FUBP3: variants seen among roughly 807,000 people sequenced by gnomAD.
The protein encoded by FUBP3 is far upstream element-binding protein 3.
In FUBP3, 28 loss-of-function variants were observed where a neutral mutation model predicts 85.6. That is an observed-to-expected ratio of 0.33 (90% confidence interval 0.24 to 0.45). The LOEUF (loss-of-function observed/expected upper bound fraction) is 0.45. Among genes scored for constraint, FUBP3 ranks in the 20% least tolerant of loss-of-function variants. FUBP3 has a pLI of 1.00. For missense variants in FUBP3, 583 were observed against 755.1 expected (o/e 0.77, Z 2.67); for synonymous variants, 271 against 271.4 (o/e 1.00, Z 0.01).
At chr9:130,609,833 C>A (rs776800374) in intron 2 of FUBP3, 121 bp from the exon 3 acceptor site, 6 of 756,412 alleles carry the variant, frequency 7.9e-6, no homozygotes, top group Non-Finnish European at 1.4e-5. Flanking sequence ...GCCTAAATTA[C>A]TGTTTGCTTT....
At chr9:130,584,334 C>T (rs1830253410) in intron 1 of FUBP3, among the ~76,000 whole-genome samples, 1 of 151,780 alleles carries the variant, frequency 6.6e-6, no homozygotes, top group African/African-American at 2.4e-5. Context: ...TCGAGACCAG[C>T]CTGGTCAACG....
chr9:130,613,112 T>C (rs1831833593), intron 5 of FUBP3, 85 bp downstream of exon 5: 1 of 830,808 alleles, frequency 1.2e-6, no homozygotes, highest in Admixed American at 1.9e-5. Context: ...TGCTTGTTGC[T>C]TGGGTAAGTA....
chr9:130,583,750 G>T (rs1342020934), intron 1 of FUBP3, among the ~76,000 whole-genome samples: 1 of 152,170 alleles, frequency 6.6e-6, no homozygotes, highest in African/African-American at 2.4e-5. Flanking sequence ...GTCACTGAGT[G>T]TGTGTGCGCC....
At chr9:130,597,543 A>T (rs574103978) in intron 2 of FUBP3, among the ~76,000 whole-genome samples, 1 of 152,328 alleles carries the variant, frequency 6.6e-6, no homozygotes, top group South Asian at 2.1e-4. Flanking sequence ...TGAGCCTAGA[A>T]GGTGGCCAGG....
At chr9:130,618,064 C>T (rs1317314065) in intron 8 of FUBP3, among the ~76,000 whole-genome samples, 169 bp downstream of exon 8, 1 of 152,086 alleles carries the variant, frequency 6.6e-6, no homozygotes, top group Non-Finnish European at 1.5e-5. Context: ...TTTGTGCTGC[C>T]CAAAACCAGA....
chr9:130,598,224 A>G (rs2119033115), intron 2 of FUBP3, among the ~76,000 whole-genome samples: 1 of 152,310 alleles, frequency 6.6e-6, no homozygotes. Flanking sequence ...CTAATGGGAG[A>G]AAAATGTCTG....
At chr9:130,626,173 C>A in intron 11 of FUBP3, 191 bp from the exon 12 acceptor site, 1 of 599,550 alleles carries the variant, frequency 1.7e-6, no homozygotes, top group Non-Finnish European at 2.9e-6. Flanking sequence ...CACAGGTCCT[C>A]CCCAGATACA....
In FUBP3 at chr9:130,630,058, C is replaced by T. The variant is rs536911798; in HGVS notation, c.1118-570C>T. ...CCATCCTTGCACTGCCTGTGTAGACCGTCACCCCATGGAGGAGGCAGGGAC... is the reference window on the plus strand; with the variant it reads ...CCATCCTTGCACTGCCTGTGTAGACTGTCACCCCATGGAGGAGGCAGGGAC... On this transcript the variant is annotated intron_variant, in intron 12 of 18. Transcript: ENST00000319725. 2.1e-4 allele frequency among the ~76,000 whole-genome samples: 32 copies of T among 152,314 alleles called. No homozygotes were observed. The East Asian group carries it at 4.3e-3, about 20-fold the overall frequency.
At position 130,612,433 on chromosome 9, in the gene FUBP3, T is replaced by C. The variant is rs1186469446; in HGVS notation, c.225-23T>C. The C allele has an allele frequency of 2.0e-6, 3 of 1,526,720 alleles. No homozygotes were observed. The highest frequency in any genetic ancestry group is 2.2e-5 in the East Asian group (1 of 44,504). 94.6% of individuals were successfully genotyped at this position (1,526,720 alleles called of 1,614,324 possible). ...CAAAAGTCTGTATTCTGTATTTTTT[T>C]CCAAAATGTTCTTTGTTTTTAGGAC... On this transcript the variant is annotated intron_variant, in intron 3 of 18. Coordinates refer to ENST00000319725, the MANE Select transcript of FUBP3 (RefSeq NM_003934.2). The surrounding 1 kb of genome is among the most constrained non-coding windows in gnomAD (Gnocchi z 4.1).
intron 2 of FUBP3, among the ~76,000 whole-genome samples, chr9:130,600,261 G>A (rs1033953330): frequency 2.0e-5 from 3 of 151,960 alleles, no homozygotes; most frequent in African/African-American, 4.8e-5. Flanking sequence ...ACTGGGTCCC[G>A]CTGTGCACCT....
intron 2 of FUBP3, among the ~76,000 whole-genome samples, chr9:130,603,545 A>G (rs1831272759): frequency 6.6e-6 from 1 of 152,084 alleles, no homozygotes; most frequent in South Asian, 2.1e-4. Context: ...GGGTACATAC[A>G]TATGTGTAAG....
intron 1 of FUBP3, chr9:130,581,787 T>C (rs1830141090): frequency 6.6e-6 from 1 of 152,232 alleles, no homozygotes; most frequent in South Asian, 2.1e-4. Flanking sequence ...AGAGACAGTC[T>C]GGAAGGCCCT....
Position 130,626,437 on chromosome 9 carries a change from CCCCTGGTGGCG to C in FUBP3, c.1050_1060del (p.Gly353AspfsTer9). The C allele has an allele frequency of 6.2e-7, 1 of 1,614,020 alleles. No homozygotes were observed. Among genetic ancestry groups the C allele is most frequent in the Non-Finnish European group, 8.5e-7 (1 of 1,179,948 alleles). The stretch of plus-strand genomic sequence containing the variant: ...GGCCGTGGCGACTGGAGCGTGGGAG[CCCCTGGTGGCG>C]TCCAGGAGATAACATACACGGTGCC... On this transcript the variant is annotated frameshift_variant, in exon 12 of 19. Coordinates refer to ENST00000319725, the MANE Select transcript of FUBP3 (RefSeq NM_003934.2). LOFTEE classifies it high-confidence loss of function.
intron 2 of FUBP3, among the ~76,000 whole-genome samples, chr9:130,603,580 C>T (rs113189797): frequency 3.4e-4 from 52 of 152,228 alleles, no homozygotes; most frequent in African/African-American, 1.2e-3. Context: ...TGAGATTTTT[C>T]CCCTTGGCAA....
Position 130,610,007 on chromosome 9 carries a change from T to C in FUBP3, c.224+20T>C. ...TCAAAGGTAAGCAGTGGGTTACGTT[T>C]TATTATTTATTGATCATTTCTAATT... On this transcript the variant is annotated intron_variant, in intron 3 of 18. Transcript: ENST00000319725. 6.5e-7 allele frequency: 1 copy of C among 1,545,646 alleles called. No homozygotes were observed. Among genetic ancestry groups the C allele is most frequent in the Non-Finnish European group, 8.9e-7 (1 of 1,117,850 alleles).
chr9:130,623,031 C>T (rs1829822851), intron 10 of FUBP3, among the ~76,000 whole-genome samples: 1 of 152,090 alleles, frequency 6.6e-6, no homozygotes, highest in South Asian at 2.1e-4. Context: ...CTTTGATTTC[C>T]AGGCCTTTTT....
At chr9:130,579,882 C>G in intron 1 of FUBP3, 118 bp downstream of exon 1, 2 of 588,154 alleles carry the variant, frequency 3.4e-6, no homozygotes, top group Non-Finnish European at 5.0e-6. Context: ...TCAGCCGGGC[C>G]GGGCCGTTCC....
chr9:130,586,639 A>G (rs962072163), intron 1 of FUBP3, among the ~76,000 whole-genome samples: 1 of 151,954 alleles, frequency 6.6e-6, no homozygotes, highest in South Asian at 2.1e-4. Context: ...CATGGGTAAT[A>G]TATGCAGCAG....
chr9:130,618,001 G>A (rs905080668), intron 8 of FUBP3, 106 bp downstream of exon 8: 6 of 601,970 alleles, frequency 1.0e-5, no homozygotes, highest in African/African-American at 7.5e-5. Flanking sequence ...TGGCAGCTCC[G>A]TTATTGAAGG....
Sources: allele counts gnomAD v4.1 joint callset (sites outside exome capture counted in the v4.1 genomes callset), GRCh38; gene constraint gnomAD v4.1.1; non-coding constraint Gnocchi (gnomAD v3.1); transcripts MANE v1.5; gene names NCBI Gene and HGNC (gene_info 2026-07-23, HGNC 2026-07-21).